MCC: variants seen among roughly 807,000 people sequenced by gnomAD.
The protein encoded by MCC is colorectal mutant cancer protein.
In MCC, 90 loss-of-function variants were observed where a neutral mutation model predicts 116.2. The observed-to-expected ratio is 0.77, with a 90% confidence interval of 0.65 to 0.92. The LOEUF is 0.92. Among genes scored for constraint, MCC ranks in the 40% least tolerant of loss-of-function variants. The probability of loss-of-function intolerance (pLI) is 0.00; values close to 1 mark genes in which losing one functional copy is unlikely to be tolerated. For missense variants in MCC, 1,516 were observed against 1,312.2 expected (o/e 1.16, Z -2.40); for synonymous variants, 578 against 510.5 (o/e 1.13, Z -1.78).
intron 8 of MCC, among the ~76,000 whole-genome samples, chr5:113,101,058 C>T (rs1035788056): frequency 1.3e-5 from 2 of 152,306 alleles, no homozygotes; most frequent in East Asian, 3.9e-4. Context: ...CCGAACATTT[C>T]TATCCTGAAA....
chr5:113,385,149 G>A lies in MCC; in HGVS notation c.234C>T (p.Asn78=), dbSNP rs141235216. The A allele has an allele frequency of 7.4e-5, 120 of 1,614,044 alleles. No homozygotes were observed. The African/African-American group carries it at 1.5e-3, about 20-fold the overall frequency. ...TCCCATTTTCATCTGCTCCCAACTGGTTCATGATCTCAGCCACAGACTCTT... is the reference window on the plus strand; with the variant it reads ...TCCCATTTTCATCTGCTCCCAACTGATTCATGATCTCAGCCACAGACTCTT... ...NMEESVAEIM[N]QLGADENGKI... Residue 78 remains asparagine, a synonymous_variant, in exon 2 of 19, where the codon AAC becomes AAT. Coordinates refer to ENST00000408903, the MANE Select transcript of MCC (RefSeq NM_001085377.2).
chr5:113,443,902 C>CTT (rs1253118564), intron 1 of MCC, among the ~76,000 whole-genome samples: 4 of 152,138 alleles, frequency 2.6e-5, no homozygotes, highest in African/African-American at 9.7e-5. Flanking sequence ...CAGCTCACTG[C>CTT]AACCTCCACC....
In MCC at chr5:113,046,996, C is replaced by T. The variant is rs182726986; in HGVS notation, c.2655+2097G>A. Among the ~76,000 whole-genome samples the T allele has an allele frequency of 1.1e-3, 165 of 152,296 alleles. 1 individual carries two copies. Among genetic ancestry groups the T allele is most frequent in the South Asian group, 8.7e-3 (42 of 4,822 alleles). ...CTCCACAACCCTCCGGGCCATTAAA[C>T]GTGCTGTCCCATCAGCCTAAGGGCA... On this transcript the variant is annotated intron_variant, in intron 16 of 18. Coordinates refer to ENST00000408903, the MANE Select transcript of MCC (RefSeq NM_001085377.2).
chr5:113,168,232 G>A (rs1450864423), intron 3 of MCC, among the ~76,000 whole-genome samples: 1 of 152,116 alleles, frequency 6.6e-6, no homozygotes, highest in Non-Finnish European at 1.5e-5. Flanking sequence ...CATGCTTGTG[G>A]AAACAAGGCA....
At chr5:113,039,620 G>A (rs1220439280) in intron 17 of MCC, among the ~76,000 whole-genome samples, 2 of 152,082 alleles carry the variant, frequency 1.3e-5, no homozygotes, top group Non-Finnish European at 2.9e-5. Flanking sequence ...GGCACAAGGG[G>A]TCCCCATAGA....
intron 3 of MCC, among the ~76,000 whole-genome samples, chr5:113,301,102 G>T (rs1380696470): frequency 6.6e-6 from 1 of 152,172 alleles, no homozygotes; most frequent in African/African-American, 2.4e-5. Context: ...GTGGTGTATG[G>T]GATGGAAAAG....
chr5:113,045,734 G>A (rs1254474659), intron 16 of MCC, among the ~76,000 whole-genome samples: 2 of 151,488 alleles, frequency 1.3e-5, no homozygotes, highest in Non-Finnish European at 2.9e-5. Context: ...GGTAGGTGGA[G>A]GCTGCTGTGA....
chr5:113,480,980 T>G (rs1772363116), intron 1 of MCC, among the ~76,000 whole-genome samples: 1 of 152,152 alleles, frequency 6.6e-6, no homozygotes, highest in African/African-American at 2.4e-5. Context: ...TTTCTCCATG[T>G]TGCTCAGGCT....
intron 1 of MCC, among the ~76,000 whole-genome samples, chr5:113,423,639 A>G (rs1465175295): frequency 6.6e-6 from 1 of 152,206 alleles, no homozygotes; most frequent in Non-Finnish European, 1.5e-5. Context: ...GCCAGACTGA[A>G]GCAAGTATTG....
intron 11 of MCC, 57 bp downstream of exon 11, chr5:113,082,803 G>C: frequency 6.3e-7 from 1 of 1,585,986 alleles, no homozygotes; most frequent in Non-Finnish European, 8.6e-7. Context: ...GGAAAGAGAA[G>C]TGAGGAGTAG....
rs1304876614 is a variant in MCC, at chr5:113,335,643, C to CAT, written c.627+4874_627+4875dup. Reference sequence around the variant, plus strand: ...AACAGGCAGTACATCTTTCCCACTGCATACCCTCTTTACCAGACTCTTAAA... The same window carrying CAT: ...AACAGGCAGTACATCTTTCCCACTGCATATACCCTCTTTACCAGACTCTTAAA... On this transcript the variant is annotated intron_variant, in intron 3 of 18. Coordinates refer to ENST00000408903, the MANE Select transcript of MCC (RefSeq NM_001085377.2). 5.9e-5 allele frequency among the ~76,000 whole-genome samples: 9 copies of CAT among 151,700 alleles called. 1 individual carries two copies. Among genetic ancestry groups the CAT allele is most frequent in the African/African-American group, 2.0e-4 (8 of 40,952 alleles).
chr5:113,474,433 A>G (rs1772181340), intron 1 of MCC, among the ~76,000 whole-genome samples: 1 of 152,214 alleles, frequency 6.6e-6, no homozygotes, highest in African/African-American at 2.4e-5. Flanking sequence ...CGATGCTTGG[A>G]GCAGCCTGGG....
At chr5:113,043,710 G>A (rs1580908400) in intron 16 of MCC, 80 bp from the exon 17 acceptor site, 2 of 1,008,246 alleles carry the variant, frequency 2.0e-6, no homozygotes, top group East Asian at 5.0e-5. Flanking sequence ...AGCGCGGTAG[G>A]TGGCTCGTGC....
chr5:113,232,254 G>T (rs79377449), intron 3 of MCC, among the ~76,000 whole-genome samples: 4,087 of 152,234 alleles, frequency 0.027, 83 homozygotes, highest in East Asian at 0.057. Context: ...TTTCAGATTT[G>T]CATTTCTGCT....
intron 8 of MCC, among the ~76,000 whole-genome samples, chr5:113,085,733 C>T (rs1163602952): frequency 6.6e-6 from 1 of 152,034 alleles, no homozygotes; most frequent in Non-Finnish European, 1.5e-5. Flanking sequence ...GCTCTGCTGC[C>T]CAGGCTGGAA....
At chr5:113,363,762 G>A (rs763722071) in intron 2 of MCC, among the ~76,000 whole-genome samples, 17 of 152,146 alleles carry the variant, frequency 1.1e-4, no homozygotes, top group African/African-American at 2.6e-4. Flanking sequence ...AATAGTCCCC[G>A]AAAGTCTTAT....
At chr5:113,083,798 A>T (rs187015165) in intron 10 of MCC, among the ~76,000 whole-genome samples, 198 of 152,330 alleles carry the variant, frequency 1.3e-3, no homozygotes, top group Non-Finnish European at 2.2e-3. Flanking sequence ...GCAGGGTGAT[A>T]TAAGACAGAT....
intron 3 of MCC, among the ~76,000 whole-genome samples, chr5:113,252,092 T>C (rs540799602): frequency 5.8e-4 from 88 of 152,316 alleles, no homozygotes; most frequent in African/African-American, 2.1e-3. Flanking sequence ...CCTCCATTTA[T>C]CCCTGACGTC....
At chr5:113,035,091 C>A (rs568673163) in intron 17 of MCC, among the ~76,000 whole-genome samples, 157 of 152,270 alleles carry the variant, frequency 1.0e-3, no homozygotes, top group African/African-American at 3.5e-3. Context: ...CTGGCATCTG[C>A]GATTTCACAT....
Sources: allele counts gnomAD v4.1 joint callset (sites outside exome capture counted in the v4.1 genomes callset), GRCh38; gene constraint gnomAD v4.1.1; transcripts MANE v1.5; gene names NCBI Gene and HGNC (gene_info 2026-07-23, HGNC 2026-07-21).